EYA1: variants seen among roughly 807,000 people sequenced by gnomAD.
The protein encoded by EYA1 is protein phosphatase EYA1.
Under a neutral mutation model 82.0 loss-of-function variants are expected in EYA1, and 16 were observed. The observed-to-expected ratio is 0.20, with a 90% CI of 0.13 to 0.30. EYA1 has a LOEUF of 0.30. Ranked by LOEUF, EYA1 falls within the 10% of genes least tolerant of loss-of-function variation. The probability of loss-of-function intolerance (pLI) is 1.00; values close to 1 mark genes in which losing one functional copy is unlikely to be tolerated. For synonymous variants in EYA1, 261 were observed against 264.4 expected (o/e 0.99, Z 0.12); for missense variants, 633 against 730.7 (o/e 0.87, Z 1.54).
chr8:71,492,223 C>G (rs930458651), intron 2 of EYA1, among the ~76,000 whole-genome samples: 1 of 152,158 alleles, frequency 6.6e-6, no homozygotes. Context: ...AGATTTGCCC[C>G]AGGGAGTGGC....
In EYA1 at chr8:71,354,848, G is replaced by A. The variant is rs1445404; in HGVS notation, c.58C>T (p.Pro20Ser). 1 of 1,613,600 alleles carries A rather than the reference G, an allele frequency of 6.2e-7. No individual in the cohort carries two copies. Among genetic ancestry groups the A allele is most frequent in the Non-Finnish European group, 8.5e-7 (1 of 1,179,654 alleles). The change falls in exon 3 of 18, where the codon CCC becomes TCC. Residue 20 changes from proline (P) to serine (S), a missense_variant. Transcript: ENST00000340726. ...HSRLSGSSESPSGPKLGNSHI... is the reference protein window; with the variant it reads ...HSRLSGSSESSSGPKLGNSHI... ...GAGTTACCGAGTTTGGGGCCACTGG[G>A]GGATTCACTACTACCACTCAGACGG...
Position 71,277,115 on chromosome 8 carries a change from A to ATGCTTTTTTTTTTTTTTTTTTTTTTTT in EYA1, c.827-5219_827-5218insAAAAAAAAAAAAAAAAAAAAAAAAGCA. On this transcript the variant is annotated intron_variant, in intron 9 of 17. Transcript: ENST00000340726. ...GCCATGCTATTTCATGGCTTCACACATTTTTTTTTTTTTTTTTTTTTTTTT... is the reference window on the plus strand; with the variant it reads ...GCCATGCTATTTCATGGCTTCACACATGCTTTTTTTTTTTTTTTTTTTTTTTTTTTTTTTTTTTTTTTTTTTTTTTTT... Among the ~76,000 whole-genome samples, 2 of 76,938 alleles carry ATGCTTTTTTTTTTTTTTTTTTTTTTTT rather than the reference A, an allele frequency of 2.6e-5. 1 individual carries two copies. Among genetic ancestry groups the ATGCTTTTTTTTTTTTTTTTTTTTTTTT allele is most frequent in the Non-Finnish European group, 4.6e-5 (2 of 43,432 alleles). 50.5% of individuals were successfully genotyped at this position (76,938 alleles called of 152,430 possible). A position where few individuals can be genotyped will look rare whatever the true frequency, so the allele number is the denominator to read the frequency against.
chr8:71,305,980 T>C (rs954746050), intron 7 of EYA1, among the ~76,000 whole-genome samples: 7 of 152,208 alleles, frequency 4.6e-5, no homozygotes, highest in African/African-American at 1.7e-4. Flanking sequence ...GCAAAAGAAG[T>C]GGGCATCATG....
At chr8:71,356,846 G>T (rs897652718) in intron 1 of EYA1, 2 of 561,320 alleles carry the variant, frequency 3.6e-6, no homozygotes, top group African/African-American at 4.1e-5. Context: ...CTTGGAAAAG[G>T]TGCTTGGAAA....
intron 7 of EYA1, among the ~76,000 whole-genome samples, chr8:71,308,672 A>C (rs1820993080): frequency 6.6e-6 from 1 of 151,490 alleles, no homozygotes; most frequent in African/African-American, 2.4e-5. Context: ...TTTAACCTGG[A>C]TAATACTGCC....
chr8:71,484,090 G>A (rs1218042941), intron 2 of EYA1, among the ~76,000 whole-genome samples: 1 of 152,176 alleles, frequency 6.6e-6, no homozygotes, highest in Non-Finnish European at 1.5e-5. Context: ...CACTGGTCCA[G>A]GAAGGTAATA....
intron 2 of EYA1, among the ~76,000 whole-genome samples, chr8:71,522,590 T>C (rs1297051307): frequency 6.6e-6 from 1 of 151,962 alleles, no homozygotes; most frequent in Non-Finnish European, 1.5e-5. Flanking sequence ...AAATATATGA[T>C]GTATGGAAAA....
intron 2 of EYA1, among the ~76,000 whole-genome samples, chr8:71,442,715 T>C (rs185658839): frequency 6.0e-4 from 92 of 152,336 alleles, no homozygotes; most frequent in African/African-American, 2.1e-3. Flanking sequence ...AATACCACTA[T>C]GTGTTGATGT....
intron 1 of EYA1, among the ~76,000 whole-genome samples, chr8:71,542,050 ATACAAAATATC>A (rs1489159318): frequency 6.6e-6 from 1 of 152,186 alleles, no homozygotes; most frequent in African/African-American, 2.4e-5. Context: ...AGGAGAAGAG[ATACAAAATATC>A]TACTCCTTTA....
intron 2 of EYA1, among the ~76,000 whole-genome samples, chr8:71,456,483 A>C (rs986075053): frequency 6.6e-6 from 1 of 152,236 alleles, no homozygotes; most frequent in Non-Finnish European, 1.5e-5. Context: ...AGCTGGAGGC[A>C]TCAAGCTACC....
At chr8:71,292,926 A>G (rs930473072) in intron 9 of EYA1, among the ~76,000 whole-genome samples, 1 of 151,872 alleles carries the variant, frequency 6.6e-6, no homozygotes, top group African/African-American at 2.4e-5. Context: ...AGCAATCAGA[A>G]AAAAATTATG....
rs185139589 is a variant in EYA1 at position 71,395,029 on chromosome 8, T to C, written c.34-38518A>G. Among the ~76,000 whole-genome samples the C allele has an allele frequency of 1.4e-4, 21 of 152,326 alleles. 1 individual carries two copies. The East Asian group carries it at 4.1e-3, about 29-fold the overall frequency. ...TCACATCCCTTGTAAGGTGGATTCC[T>C]AGGTATTTTATTCTCTTTGAAGCTA... is the stretch of plus-strand genomic sequence containing the variant. On this transcript the variant is annotated intron_variant, in intron 2 of 18. Transcript: ENST00000643681.
chr8:71,401,862 CTCTG>C (rs1829977045), intron 2 of EYA1, among the ~76,000 whole-genome samples: 1 of 152,174 alleles, frequency 6.6e-6, no homozygotes, highest in Non-Finnish European at 1.5e-5. Context: ...TATAGTTTTT[CTCTG>C]TCTGCTTATG....
chr8:71,248,206 A>C (rs1487440302), intron 11 of EYA1, among the ~76,000 whole-genome samples: 2 of 152,150 alleles, frequency 1.3e-5, no homozygotes, highest in African/African-American at 2.4e-5. Context: ...ATTCCTCAAC[A>C]GTTTTTATAC....
chr8:71,271,024 T>A (rs1320008583), intron 10 of EYA1, among the ~76,000 whole-genome samples: 1 of 152,108 alleles, frequency 6.6e-6, no homozygotes, highest in African/African-American at 2.4e-5. Flanking sequence ...GGCAGAAGAA[T>A]CGCTTGAACC....
intron 4 of EYA1, among the ~76,000 whole-genome samples, chr8:71,331,657 C>G (rs1046659334): frequency 1.3e-5 from 2 of 151,930 alleles, no homozygotes; most frequent in African/African-American, 2.4e-5. Context: ...TTTAAGAAAG[C>G]AAAACTGTGA....
At chr8:71,299,462 T>C (rs1294094348) in intron 8 of EYA1, among the ~76,000 whole-genome samples, 176 bp downstream of exon 8, 4 of 152,216 alleles carry the variant, frequency 2.6e-5, no homozygotes, top group African/African-American at 9.6e-5. Context: ...TAGGTAAAAT[T>C]AAACCAATCT....
At chr8:71,378,948 T>C (rs904512765) in intron 2 of EYA1, among the ~76,000 whole-genome samples, 13 of 152,196 alleles carry the variant, frequency 8.5e-5, no homozygotes, top group Non-Finnish European at 1.6e-4. Context: ...ATTCTGTAAA[T>C]TGACTTTTAG....
intron 7 of EYA1, among the ~76,000 whole-genome samples, chr8:71,313,223 A>T (rs977099040): frequency 3.9e-5 from 6 of 152,168 alleles, no homozygotes; most frequent in African/African-American, 1.4e-4. Flanking sequence ...ATGTACAAAA[A>T]GCTTGACCTT....
Sources: allele counts gnomAD v4.1 joint callset (sites outside exome capture counted in the v4.1 genomes callset), GRCh38; gene constraint gnomAD v4.1.1; transcripts MANE v1.5; gene names NCBI Gene and HGNC (gene_info 2026-07-23, HGNC 2026-07-21).